SBF2: variants seen among roughly 807,000 people sequenced by gnomAD.
The protein encoded by SBF2 is SET binding factor 2.
In SBF2, 112 loss-of-function variants were observed where a neutral mutation model predicts 225.2. The ratio of observed to expected loss-of-function variants is 0.50; its 90% CI spans 0.43 to 0.58. The LOEUF (loss-of-function observed/expected upper bound fraction) is 0.58. Ranked by LOEUF, SBF2 falls within the 20% of genes least tolerant of loss-of-function variation. SBF2 has a pLI of 0.00. For missense variants in SBF2, 1,996 were observed against 2,206.2 expected (o/e 0.90, Z 1.91); for synonymous variants, 763 against 773.3 (o/e 0.99, Z 0.22).
In SBF2 at chr11:10,014,371, C is replaced by T. The variant is rs142159848; in HGVS notation, c.620-11682G>A. 3.7e-4 allele frequency among the ~76,000 whole-genome samples: 57 copies of T among 152,208 alleles called. No homozygotes were observed. In the East Asian group the frequency reaches 0.011, roughly 29 times the overall value. On this transcript the variant is annotated intron_variant, in intron 6 of 39. Coordinates refer to ENST00000256190, the MANE Select transcript of SBF2 (RefSeq NM_030962.4). ...TTCCATCCCCACAGGGTATCCCTCA[C>T]TATCCCAATTCATATTTGTATGTTC... is the stretch of plus-strand genomic sequence containing the variant.
At position 10,116,995 on chromosome 11, in the gene SBF2, GAA is replaced by G. The variant is rs1434856737; in HGVS notation, c.142-74016_142-74015del. Among the ~76,000 whole-genome samples the G allele has an allele frequency of 3.9e-5, 6 of 152,230 alleles. No homozygotes were observed. In the East Asian group the frequency reaches 7.7e-4, roughly 20 times the overall value. On this transcript the variant is annotated intron_variant, in intron 2 of 39. Transcript: ENST00000256190. The stretch of plus-strand genomic sequence containing the variant: ...TCATTAGAGGAAATTCTATTAAAAA[GAA>G]AAGAGATTGTAAAGATAGAAAACTA...
chr11:10,207,526 A>T (rs1174296278), intron 1 of SBF2, among the ~76,000 whole-genome samples: 2 of 152,096 alleles, frequency 1.3e-5, no homozygotes, highest in African/African-American at 4.8e-5. Context: ...TTATTCCAAC[A>T]ACCTTTAAGA....
chr11:9,828,023 A>G lies in SBF2; in HGVS notation c.3793+1333T>C, dbSNP rs1012591369. 36 of 631,046 alleles carry G rather than the reference A, an allele frequency of 5.7e-5. No individual in the cohort carries two copies. The Admixed American group carries it at 1.0e-3, about 18-fold the overall frequency. 39.1% of individuals were successfully genotyped at this position (631,046 alleles called of 1,614,324 possible). A position where few individuals can be genotyped will look rare whatever the true frequency, so the allele number is the denominator to read the frequency against. ...ATTCAGAAGAGGGTAATTAAGAACA[A>G]TTTGAATCATAATTAATTGATTTAA... On this transcript the variant is annotated intron_variant, in intron 28 of 39. Transcript: ENST00000256190.
chr11:10,170,084 T>C (rs1404133205), intron 2 of SBF2, among the ~76,000 whole-genome samples: 1 of 151,952 alleles, frequency 6.6e-6, no homozygotes, highest in African/African-American at 2.4e-5. Flanking sequence ...CTGTGGGTTG[T>C]CTCTTCACTT....
chr11:9,781,942 T>C (rs542602675), intron 38 of SBF2, among the ~76,000 whole-genome samples: 245 of 152,170 alleles, frequency 1.6e-3, no homozygotes, highest in Non-Finnish European at 2.8e-3. Context: ...CAGTCCTTTT[T>C]GGGAGGTGAA....
At chr11:10,018,218 G>A (rs1057386176) in intron 6 of SBF2, among the ~76,000 whole-genome samples, 1 of 152,054 alleles carries the variant, frequency 6.6e-6, no homozygotes, top group Non-Finnish European at 1.5e-5. Context: ...CTGAACTACT[G>A]AGATATATCA....
At chr11:10,198,480 A>G (rs1313423116) in intron 1 of SBF2, among the ~76,000 whole-genome samples, 2 of 152,248 alleles carry the variant, frequency 1.3e-5, no homozygotes, top group African/African-American at 4.8e-5. Flanking sequence ...TACAGAGCAC[A>G]GACAGAGTAG....
chr11:10,284,106 T>C (rs888075533), intron 1 of SBF2, among the ~76,000 whole-genome samples: 1 of 152,210 alleles, frequency 6.6e-6, no homozygotes, highest in African/African-American at 2.4e-5. Flanking sequence ...TTTGAGATAG[T>C]TGCAGATTTA....
chr11:10,147,133 G>C lies in SBF2; in HGVS notation c.141+46769C>G, dbSNP rs1175627345. ...ACACTCTTGGGAGGAGTGTAAATTA[G>C]TTCAACCATTGTGGAAAGCAGTGTG... On this transcript the variant is annotated intron_variant, in intron 2 of 39. Coordinates refer to ENST00000256190, the MANE Select transcript of SBF2 (RefSeq NM_030962.4). Among the ~76,000 whole-genome samples the C allele has an allele frequency of 2.0e-5, 3 of 151,836 alleles. No individual in the cohort carries two copies. The East Asian group carries it at 5.8e-4, about 29-fold the overall frequency.
intron 24 of SBF2, among the ~76,000 whole-genome samples, chr11:9,844,987 C>T (rs963069783): frequency 7.2e-5 from 11 of 151,962 alleles, no homozygotes; most frequent in Admixed American, 3.3e-4. Context: ...TTGTGATGTA[C>T]TTAAGGATAA....
rs563345834 is a variant in SBF2 at position 10,096,331 on chromosome 11, A to G, written c.142-53350T>C. On this transcript the variant is annotated intron_variant, in intron 2 of 39. Coordinates refer to ENST00000256190, the MANE Select transcript of SBF2 (RefSeq NM_030962.4). ...ATCAAGATTTTGCTTTGATTGATAT[A>G]TAAGATTTAGTATATAACAAAATAA... 7.9e-5 allele frequency among the ~76,000 whole-genome samples: 12 copies of G among 151,956 alleles called. No individual in the cohort carries two copies. The South Asian group carries it at 2.5e-3, about 32-fold the overall frequency.
At chr11:10,145,703 T>C (rs1297064899) in intron 2 of SBF2, among the ~76,000 whole-genome samples, 2 of 152,206 alleles carry the variant, frequency 1.3e-5, no homozygotes, top group African/African-American at 4.8e-5. Flanking sequence ...ATAATTTGTA[T>C]ACCCCATTAC....
intron 1 of SBF2, among the ~76,000 whole-genome samples, chr11:10,240,660 G>A (rs1311266646): frequency 1.3e-5 from 2 of 152,144 alleles, no homozygotes; most frequent in Non-Finnish European, 2.9e-5. Context: ...AGAAAAATTG[G>A]AGCAGTAGAA....
Position 10,132,835 on chromosome 11 carries a change from T to G in SBF2, c.141+61067A>C, listed in dbSNP as rs577306269. On this transcript the variant is annotated intron_variant, in intron 2 of 39. Transcript: ENST00000256190. Reference sequence around the variant, plus strand: ...GTGGCCTGTTTTGTCAGGGCGCTGATTGGTGCGTTTACAATCCCTGAGCTA... The same window carrying G: ...GTGGCCTGTTTTGTCAGGGCGCTGAGTGGTGCGTTTACAATCCCTGAGCTA... Among the ~76,000 whole-genome samples, 2 of 149,046 alleles carry G rather than the reference T, an allele frequency of 1.3e-5. 1 individual carries two copies. Among genetic ancestry groups the G allele is most frequent in the East Asian group, 4.4e-4 (2 of 4,526 alleles).
At chr11:10,128,432 T>A (rs1447448151) in intron 2 of SBF2, among the ~76,000 whole-genome samples, 2 of 152,242 alleles carry the variant, frequency 1.3e-5, no homozygotes, top group Admixed American at 1.3e-4. Flanking sequence ...CACCTCTTCC[T>A]CTTTTCCCTG....
At chr11:10,223,416 T>TATATATTTC (rs1364931754) in intron 1 of SBF2, among the ~76,000 whole-genome samples, 1 of 85,704 alleles carries the variant, frequency 1.2e-5, no homozygotes, top group African/African-American at 3.5e-5. Context: ...TATATATATA[T>TATATATTTC]ATATATATAT....
At chr11:10,100,130 T>A (rs1353184418) in intron 2 of SBF2, among the ~76,000 whole-genome samples, 1 of 152,092 alleles carries the variant, frequency 6.6e-6, no homozygotes, top group Non-Finnish European at 1.5e-5. Context: ...TAAACACACA[T>A]AGGCTAAAAG....
intron 36 of SBF2, 101 bp from the exon 37 acceptor site, chr11:9,785,419 C>T: frequency 2.1e-6 from 2 of 956,004 alleles, no homozygotes; most frequent in Non-Finnish European, 3.4e-6. Flanking sequence ...AAAAACTGGA[C>T]TAATAAGCAA....
At chr11:9,904,632 AC>A (rs1365432612) in intron 16 of SBF2, among the ~76,000 whole-genome samples, 2 of 152,208 alleles carry the variant, frequency 1.3e-5, no homozygotes, top group Admixed American at 6.5e-5. Flanking sequence ...AACACTGTAT[AC>A]AAAAACTTGC....
Sources: gnomAD v4.1 joint callset for allele counts (sites outside exome capture counted in the v4.1 genomes callset) on GRCh38, gnomAD v4.1.1 for gene constraint, MANE v1.5 for transcripts, NCBI Gene and HGNC (gene_info 2026-07-23, HGNC 2026-07-21) for gene names.